ATRNL1: variants seen among roughly 807,000 people sequenced by gnomAD.
ATRNL1 encodes the protein attractin-like protein 1.
A neutral mutation model predicts 182.7 loss-of-function variants in ATRNL1; 95 were observed. The ratio of observed to expected loss-of-function variants is 0.52; its 90% CI spans 0.44 to 0.62. The LOEUF is 0.62. ATRNL1 is among the 20% of genes least tolerant of loss of function. The pLI, the probability that ATRNL1 is intolerant of heterozygous loss-of-function variation, is 0.00. For synonymous variants in ATRNL1, 576 were observed against 568.3 expected, an observed-to-expected ratio of 1.01 and a Z score of -0.19; for missense variants, 1,471 against 1,679.5, an observed-to-expected ratio of 0.88 and a Z score of 2.17.
chr10:115,103,830 A>C (rs2143455966), intron 1 of ATRNL1, among the ~76,000 whole-genome samples: 1 of 152,324 alleles, frequency 6.6e-6, no homozygotes, highest in African/African-American at 2.4e-5. Flanking sequence ...CATGTAATGT[A>C]ATGACGTCCA....
chr10:115,183,704 A>G (rs1374171123), intron 8 of ATRNL1, among the ~76,000 whole-genome samples: 1 of 151,540 alleles, frequency 6.6e-6, no homozygotes, highest in Non-Finnish European at 1.5e-5. Context: ...GGCCTAGATG[A>G]TACCAGAGAG....
intron 26 of ATRNL1, among the ~76,000 whole-genome samples, chr10:115,689,669 A>G (rs1555047460): frequency 6.6e-6 from 1 of 152,140 alleles, no homozygotes; most frequent in African/African-American, 2.4e-5. Context: ...GCAGTGGACC[A>G]GGAAAGTATG....
intron 26 of ATRNL1, among the ~76,000 whole-genome samples, chr10:115,680,605 T>C (rs1286567281): frequency 2.0e-5 from 3 of 152,160 alleles, no homozygotes; most frequent in African/African-American, 7.2e-5. Context: ...TTGCTAAGGC[T>C]GTAGTTCCAG....
chr10:115,360,158 A>G (rs1236910861), intron 19 of ATRNL1, among the ~76,000 whole-genome samples: 1 of 151,774 alleles, frequency 6.6e-6, no homozygotes, highest in Non-Finnish European at 1.5e-5. Context: ...AAAAGAAAAA[A>G]ATAACTACCC....
intron 17 of ATRNL1, among the ~76,000 whole-genome samples, chr10:115,311,695 A>G (rs1232449004): frequency 6.6e-6 from 1 of 152,128 alleles, no homozygotes; most frequent in Non-Finnish European, 1.5e-5. Context: ...TGATCTGTCT[A>G]GTGGAGTGTT....
intron 18 of ATRNL1, among the ~76,000 whole-genome samples, chr10:115,316,872 A>G (rs533944827): frequency 1.3e-5 from 2 of 152,264 alleles, no homozygotes; most frequent in East Asian, 3.9e-4. Flanking sequence ...TTGCCTGTTC[A>G]TGCTGTTGAT....
At chr10:115,829,583 A>G (rs1463427750) in intron 27 of ATRNL1, among the ~76,000 whole-genome samples, 1 of 151,776 alleles carries the variant, frequency 6.6e-6, no homozygotes, top group Non-Finnish European at 1.5e-5. Context: ...CTTGGTATTT[A>G]TAACTCATTT....
At chr10:115,152,265 G>A (rs1348520512) in intron 5 of ATRNL1, among the ~76,000 whole-genome samples, 1 of 152,172 alleles carries the variant, frequency 6.6e-6, no homozygotes, top group East Asian at 1.9e-4. Flanking sequence ...GTCATTGGTA[G>A]CTTGATGGGG....
intron 21 of ATRNL1, among the ~76,000 whole-genome samples, chr10:115,435,347 T>C (rs1846355153): frequency 6.6e-6 from 1 of 152,146 alleles, no homozygotes; most frequent in Non-Finnish European, 1.5e-5. Flanking sequence ...AGGTGGAATT[T>C]GTGCTGTTAT....
chr10:115,096,449 G>A (rs567744895), intron 1 of ATRNL1, among the ~76,000 whole-genome samples: 2 of 152,250 alleles, frequency 1.3e-5, no homozygotes, highest in Admixed American at 6.5e-5. Context: ...GTTTTACCTG[G>A]CATTTGAAGT....
intron 8 of ATRNL1, among the ~76,000 whole-genome samples, chr10:115,185,063 G>A (rs1615076): frequency 0.66 from 100,377 of 151,738 alleles, 34,047 homozygotes; most frequent in Non-Finnish European, 0.74. Flanking sequence ...TGAAATGGGG[G>A]AGTCAAGGAA....
At chr10:115,858,640 C>T (rs985269270) in intron 28 of ATRNL1, among the ~76,000 whole-genome samples, 1 of 152,096 alleles carries the variant, frequency 6.6e-6, no homozygotes, top group Non-Finnish European at 1.5e-5. Context: ...ACCACCATGG[C>T]ACACGTTTAC....
chr10:115,127,477 C>T (rs1299785965), intron 3 of ATRNL1, 116 bp from the exon 4 acceptor site: 1 of 752,134 alleles, frequency 1.3e-6, no homozygotes, highest in Non-Finnish European at 2.0e-6. Flanking sequence ...TTTTAGTTGC[C>T]CATTCTGACG....
At chr10:115,837,250 G>A (rs782333189) in intron 27 of ATRNL1, among the ~76,000 whole-genome samples, 5 of 152,008 alleles carry the variant, frequency 3.3e-5, no homozygotes, top group African/African-American at 9.7e-5. Context: ...AGGACTCCAC[G>A]TATCTCAGGT....
chr10:115,808,242 A>G (rs1046745675), intron 27 of ATRNL1, among the ~76,000 whole-genome samples: 1 of 152,114 alleles, frequency 6.6e-6, no homozygotes, highest in Admixed American at 6.6e-5. Context: ...GATGTTGCAA[A>G]TTTATCGTGT....
intron 26 of ATRNL1, among the ~76,000 whole-genome samples, chr10:115,630,503 C>G (rs1858412612): frequency 6.6e-6 from 1 of 151,718 alleles, no homozygotes; most frequent in Admixed American, 6.6e-5. Flanking sequence ...AACAAATCTA[C>G]TTCTGGGTAT....
At chr10:115,185,226 A>C (rs1227693677) in intron 8 of ATRNL1, among the ~76,000 whole-genome samples, 2 of 152,196 alleles carry the variant, frequency 1.3e-5, no homozygotes, top group South Asian at 2.1e-4. Flanking sequence ...AAGACACCCC[A>C]GTAGTAGTGA....
At chr10:115,729,768 T>C (rs2804161) in intron 27 of ATRNL1, among the ~76,000 whole-genome samples, 56,453 of 151,954 alleles carry the variant, frequency 0.37, 11,878 homozygotes, top group Non-Finnish European at 0.48. Flanking sequence ...TCAACTTCCC[T>C]CTGTTTCTCC....
At chr10:115,721,726 G>A (rs1947432315) in intron 26 of ATRNL1, among the ~76,000 whole-genome samples, 1 of 152,092 alleles carries the variant, frequency 6.6e-6, no homozygotes, top group Non-Finnish European at 1.5e-5. Flanking sequence ...TTGAGATTTG[G>A]GTGGGGACAC....
Sources: allele counts gnomAD v4.1 joint callset (sites outside exome capture counted in the v4.1 genomes callset), GRCh38; gene constraint gnomAD v4.1.1; transcripts MANE v1.5; gene names NCBI Gene and HGNC (gene_info 2026-07-23, HGNC 2026-07-21).